Variants in XRN2 observed in about 807,000 individuals in gnomAD.
The protein encoded by XRN2 is DHM1-like protein.
XRN2 carries 44 observed loss-of-function variants against 138.5 expected under a neutral mutation model. The observed-to-expected ratio is 0.32, with a 90% CI of 0.25 to 0.41. The LOEUF (loss-of-function observed/expected upper bound fraction) is 0.41. Ranked by LOEUF, XRN2 falls within the 10% of genes least tolerant of loss-of-function variation. The probability of loss-of-function intolerance (pLI) is 1.00; values close to 1 mark genes in which losing one functional copy is unlikely to be tolerated. For synonymous variants in XRN2, 354 were observed against 369.4 expected (o/e 0.96, Z 0.48); for missense variants, 937 against 1,169.3 (o/e 0.80, Z 2.90).
chr20:21,381,840 T>C (rs1315336265), intron 27 of XRN2, among the ~76,000 whole-genome samples, 154 bp from the exon 28 acceptor site: 1 of 152,222 alleles, frequency 6.6e-6, no homozygotes, highest in African/African-American at 2.4e-5. Context: ...TACTTACCTT[T>C]TTACATTTGT....
Position 21,310,263 on chromosome 20 carries a change from C to T in XRN2, c.75+6790C>T, listed in dbSNP as rs190388509. 2.4e-4 allele frequency among the ~76,000 whole-genome samples: 36 copies of T among 152,170 alleles called. No individual in the cohort carries two copies. In the East Asian group the frequency reaches 5.4e-3, roughly 23 times the overall value. On this transcript the variant is annotated intron_variant, in intron 1 of 29. Transcript: ENST00000377191. Reference sequence around the variant, plus strand: ...GATTTTCCAGGTATTTTTTCCTGTTCGTGATTTTTAATTTAATTCCCTTAT... The same window carrying T: ...GATTTTCCAGGTATTTTTTCCTGTTTGTGATTTTTAATTTAATTCCCTTAT...
Position 21,389,281 on chromosome 20 carries a change from C to CCG in XRN2, c.2796_2797insCG (p.Gly935LysfsTer21). On this transcript the variant is annotated frameshift_variant, in exon 30 of 30. Coordinates refer to ENST00000377191, the MANE Select transcript of XRN2 (RefSeq NM_012255.5). LOFTEE classifies it high-confidence loss of function. ...CTTTTGTTTATTTTCAGGGATATCC[C>CCG]AGAGAAGGAAGGAAATACCCTTTGC... The CCG allele has an allele frequency of 6.2e-7, 1 of 1,612,598 alleles. No individual in the cohort carries two copies. Among genetic ancestry groups the CCG allele is most frequent in the Non-Finnish European group, 8.5e-7 (1 of 1,179,372 alleles).
intron 15 of XRN2, among the ~76,000 whole-genome samples, chr20:21,341,976 A>G (rs1203664476): frequency 6.6e-6 from 1 of 152,136 alleles, no homozygotes; most frequent in Non-Finnish European, 1.5e-5. Flanking sequence ...CTGTAGATCG[A>G]TAACATCTGC....
At chr20:21,347,006 A>G (rs1022874735) in intron 17 of XRN2, among the ~76,000 whole-genome samples, 1 of 152,168 alleles carries the variant, frequency 6.6e-6, no homozygotes, top group Non-Finnish European at 1.5e-5. Context: ...AGAAGTCCGT[A>G]TTTGTAAATA....
Position 21,303,332 on chromosome 20 carries a change from C to G in XRN2, c.-67C>G. On this transcript the variant is annotated 5_prime_UTR_variant, in exon 1 of 30. Transcript: ENST00000377191. The stretch of plus-strand genomic sequence containing the variant: ...TGGGAGGAAGTGCTGGTGCCCTCTG[C>G]CGCTGCTCCCGTCTCTTTGGTTACG... 1 of 1,523,638 alleles carries G rather than the reference C, an allele frequency of 6.6e-7. No individual in the cohort carries two copies. The highest frequency in any genetic ancestry group is 8.8e-7 in the Non-Finnish European group (1 of 1,131,190). The allele number at this position is 1,523,638 out of a possible 1,614,324, so 94.4% of individuals were successfully genotyped here. A position where few individuals can be genotyped will look rare whatever the true frequency, so the allele number is the denominator to read the frequency against.
At position 21,377,264 on chromosome 20, in the gene XRN2, C is replaced by CTTTTTCTTTTTTT. The variant is rs1555788242; in HGVS notation, c.2585-4725_2585-4724insCTTTTTTTTTTTT. On this transcript the variant is annotated intron_variant, in intron 27 of 29. Coordinates refer to ENST00000377191, the MANE Select transcript of XRN2 (RefSeq NM_012255.5). Reference sequence around the variant, plus strand: ...CCAACATATGATTTGTCGGTTTTTTCTTTTTTTTTTTTTTGGTCAGTCTTG... The same window carrying CTTTTTCTTTTTTT: ...CCAACATATGATTTGTCGGTTTTTTCTTTTTCTTTTTTTTTTTTTTTTTTTTTGGTCAGTCTTG... 2.7e-4 allele frequency among the ~76,000 whole-genome samples: 22 copies of CTTTTTCTTTTTTT among 82,792 alleles called. 1 individual carries two copies. In the South Asian group the frequency reaches 3.5e-3, roughly 13 times the overall value. 54.3% of individuals were successfully genotyped at this position (82,792 alleles called of 152,430 possible).
At chr20:21,315,901 T>C (rs1453602981) in intron 1 of XRN2, among the ~76,000 whole-genome samples, 1 of 152,250 alleles carries the variant, frequency 6.6e-6, no homozygotes, top group Admixed American at 6.5e-5. Context: ...GCAAATATTT[T>C]CCCACATTCT....
intron 28 of XRN2, among the ~76,000 whole-genome samples, chr20:21,385,946 G>C (rs922110622): frequency 1.3e-5 from 2 of 152,202 alleles, no homozygotes; most frequent in Non-Finnish European, 2.9e-5. Context: ...ATTTGCCTCT[G>C]TTTATTCTTT....
rs367895318 is a variant in XRN2, at chr20:21,356,172, A to T, written c.2113A>T (p.Thr705Ser). The stretch of plus-strand genomic sequence containing the variant: ...TTTAGAGCTGTACCAGACAGGTTCC[A>T]CAGAGGTATGTTACGCAATTTGGTT... ...FILELYQTGS[T>S]EPVEVPPELC... The change falls in exon 22 of 30, where the codon ACA becomes TCA. Residue 705 changes from threonine to serine, a missense_variant. Transcript: ENST00000377191. 6.2e-7 allele frequency: 1 copy of T among 1,605,920 alleles called. No homozygotes were observed. The highest frequency in any genetic ancestry group is 2.2e-5 in the East Asian group (1 of 44,662).
At chr20:21,381,674 A>G (rs532983454) in intron 27 of XRN2, among the ~76,000 whole-genome samples, 1 of 151,006 alleles carries the variant, frequency 6.6e-6, no homozygotes, top group East Asian at 2.0e-4. Context: ...ATAAATGTAA[A>G]AACTGTGTGT....
At chr20:21,334,226 T>C (rs1332963067) in intron 13 of XRN2, 41 bp downstream of exon 13, 2 of 1,489,052 alleles carry the variant, frequency 1.3e-6, no homozygotes, top group Non-Finnish European at 1.9e-6. Flanking sequence ...TGCTCCTGTC[T>C]CTAATAGGCT....
Position 21,316,634 on chromosome 20 carries a change from A to G in XRN2, c.76-9645A>G, listed in dbSNP as rs559196231. Among the ~76,000 whole-genome samples the G allele has an allele frequency of 1.6e-4, 24 of 152,292 alleles. No homozygotes were observed. In the South Asian group the frequency reaches 2.3e-3, roughly 14 times the overall value. ...TTATTTCTGGACTCAATTCCATTCC[A>G]TTGATCTAAATGTTTATCCTTGTCC... On this transcript the variant is annotated intron_variant, in intron 1 of 29. Transcript: ENST00000377191.
chr20:21,387,283 C>T (rs1227525329), intron 29 of XRN2, among the ~76,000 whole-genome samples: 1 of 152,118 alleles, frequency 6.6e-6, no homozygotes, highest in Non-Finnish European at 1.5e-5. Context: ...AGTCAGTCAC[C>T]AAAACACATT....
chr20:21,365,643 C>T lies in XRN2; in HGVS notation c.2395C>T (p.Leu799Phe). The part of the protein sequence containing the change: ...SSNGRQWKPQ[L>F]GFNRDRRPVH... The stretch of plus-strand genomic sequence containing the variant: ...CAATGGACGGCAGTGGAAGCCTCAG[C>T]TTGGCTTTAACCGTGACCGGAGGCC... The change falls in exon 26 of 30, where the codon CTT becomes TTT. Residue 799 changes from leucine to phenylalanine, a missense_variant. Physicochemically the swap from Leu to Phe is conservative, Grantham distance 22 (BLOSUM62 0). This residue lies in a region of XRN2 where 372 missense variants were observed against 414.4 expected (regional missense o/e 0.90). Coordinates refer to ENST00000377191, the MANE Select transcript of XRN2 (RefSeq NM_012255.5). 1.2e-6 allele frequency: 2 copies of T among 1,613,270 alleles called. No individual in the cohort carries two copies. The highest frequency in any genetic ancestry group is 1.1e-5 in the South Asian group (1 of 91,078).
At chr20:21,324,937 T>C (rs777008326) in intron 1 of XRN2, among the ~76,000 whole-genome samples, 11 of 152,198 alleles carry the variant, frequency 7.2e-5, no homozygotes, top group Non-Finnish European at 1.6e-4. Context: ...TTTTAGAGGG[T>C]CTTCATTCTC....
chr20:21,349,536 A>G (rs1475771961), intron 20 of XRN2, 75 bp downstream of exon 20: 7 of 1,233,796 alleles, frequency 5.7e-6, no homozygotes, highest in Middle Eastern at 2.3e-4. Flanking sequence ...TCTGTAAAAG[A>G]TAAATATTTT....
chr20:21,328,511 T>C (rs781539584), intron 3 of XRN2, 48 bp from the exon 4 acceptor site: 6 of 1,531,230 alleles, frequency 3.9e-6, no homozygotes, highest in Non-Finnish European at 3.6e-6. Context: ...TACAGATTTA[T>C]TTGTGAATAT....
chr20:21,330,804 A>G, intron 6 of XRN2, 99 bp downstream of exon 6: 2 of 1,125,558 alleles, frequency 1.8e-6, no homozygotes, highest in Non-Finnish European at 2.5e-6. Context: ...CCTGCCCCAT[A>G]AAATGCTAGT....
chr20:21,328,528 G>A (rs1201149353), intron 3 of XRN2, 31 bp from the exon 4 acceptor site: 1 of 1,576,706 alleles, frequency 6.3e-7, no homozygotes, highest in Admixed American at 1.8e-5. Context: ...ATATTTTGAT[G>A]AGTGTTATGG....
Sources: allele counts gnomAD v4.1 joint callset (sites outside exome capture counted in the v4.1 genomes callset), GRCh38; gene constraint gnomAD v4.1.1; regional missense constraint gnomAD v4.1.1; transcripts MANE v1.5; gene names NCBI Gene and HGNC (gene_info 2026-07-23, HGNC 2026-07-21).